Variants in RTN4IP1 observed in about 807,000 individuals in gnomAD.
RTN4IP1 encodes the protein NAD(P)H oxidoreductase RTN4IP1, mitochondrial.
A neutral mutation model predicts 46.6 loss-of-function variants in RTN4IP1; 32 were observed. That is an observed-to-expected ratio of 0.69 (90% CI 0.52 to 0.92). The LOEUF is 0.92. Ranked by LOEUF, RTN4IP1 falls within the 40% of genes least tolerant of loss-of-function variation. RTN4IP1 has a pLI of 0.00. For synonymous variants in RTN4IP1, 167 were observed against 161.8 expected (o/e 1.03, Z -0.24); for missense variants, 424 against 485.8 (o/e 0.87, Z 1.20).
At chr6:106,590,714 C>CAAAAAAAAAAAAAAAAAAAA (rs35293436) in intron 6 of RTN4IP1, among the ~76,000 whole-genome samples, 1 of 68,522 alleles carries the variant, frequency 1.5e-5, no homozygotes, top group African/African-American at 5.8e-5. Flanking sequence ...GAATCCATCT[C>CAAAAAAAAAAAAAAAAAAAA]AAAAAAAAAA....
chr6:106,604,370 A>G (rs1776010353), intron 4 of RTN4IP1, among the ~76,000 whole-genome samples: 1 of 152,220 alleles, frequency 6.6e-6, no homozygotes, highest in African/African-American at 2.4e-5. Flanking sequence ...AAAGACTAGA[A>G]GAAATTTTAA....
chr6:106,610,247 A>G (rs1307759723), intron 4 of RTN4IP1, among the ~76,000 whole-genome samples: 2 of 152,026 alleles, frequency 1.3e-5, no homozygotes, highest in Non-Finnish European at 2.9e-5. Context: ...TATATTTAGT[A>G]GAGATGGGGT....
At chr6:106,629,767 C>T, upstream of RTN4IP1, 1 of 1,563,280 alleles carries the variant, frequency 6.4e-7, no homozygotes. Context: ...ACTTCGTTGA[C>T]AAAGAGTCCC....
At chr6:106,618,470 T>C (rs1232168181) in intron 4 of RTN4IP1, among the ~76,000 whole-genome samples, 3 of 152,196 alleles carry the variant, frequency 2.0e-5, no homozygotes. Flanking sequence ...GTAGCCACCA[T>C]TTACTGAGTG....
At chr6:106,615,377 G>T (rs1484669364) in intron 4 of RTN4IP1, among the ~76,000 whole-genome samples, 1 of 151,822 alleles carries the variant, frequency 6.6e-6, no homozygotes, top group East Asian at 1.9e-4. Flanking sequence ...ACACTTACAT[G>T]ACAAAATTTT....
intron 6 of RTN4IP1, among the ~76,000 whole-genome samples, chr6:106,590,255 G>A (rs1166296032): frequency 6.6e-6 from 1 of 152,112 alleles, no homozygotes; most frequent in Non-Finnish European, 1.5e-5. Context: ...AGGAGGCAGA[G>A]GTTGTGCCAA....
chr6:106,590,714 CAAAAAAAAA>C (rs35293436), intron 6 of RTN4IP1, among the ~76,000 whole-genome samples: 2 of 68,522 alleles, frequency 2.9e-5, no homozygotes, highest in Non-Finnish European at 5.1e-5. Context: ...GAATCCATCT[CAAAAAAAAA>C]AAAAAAAAAA....
Position 106,628,873 on chromosome 6 carries a change from T to G in RTN4IP1, c.149A>C (p.Lys50Thr). The G allele has an allele frequency of 1.2e-6, 2 of 1,614,190 alleles. No homozygotes were observed. The highest frequency in any genetic ancestry group is 1.7e-6 in the Non-Finnish European group (2 of 1,180,020). ...STVMPAWVID[K>T]YGKNEVLRFT... ...TCGAAGCACTTCATTCTTCCCATAT[T>G]TATCTATCACCCAAGCAGGCATGAC... Residue 50 changes from lysine to threonine, a missense_variant, in exon 1 of 9, where the codon AAA (lysine) becomes ACA (threonine). Coordinates refer to ENST00000369063, the MANE Select transcript of RTN4IP1 (RefSeq NM_032730.5).
At chr6:106,614,377 T>C (rs954431406) in intron 4 of RTN4IP1, among the ~76,000 whole-genome samples, 1 of 152,172 alleles carries the variant, frequency 6.6e-6, no homozygotes, top group African/African-American at 2.4e-5. Flanking sequence ...AGTTGGTAAG[T>C]GTTGTTTTGC....
chr6:106,584,278 T>C (rs958826842), intron 7 of RTN4IP1, among the ~76,000 whole-genome samples: 18 of 152,156 alleles, frequency 1.2e-4, no homozygotes, highest in Admixed American at 1.1e-3. Flanking sequence ...GGTAGGCCAT[T>C]ACGGAAACAG....
intron 8 of RTN4IP1, among the ~76,000 whole-genome samples, chr6:106,580,394 T>C (rs1582858784): frequency 6.6e-6 from 1 of 151,978 alleles, no homozygotes; most frequent in African/African-American, 2.4e-5. Flanking sequence ...ACTAAATATA[T>C]ATACTAGATT....
At chr6:106,582,657 T>A (rs1405077085) in intron 8 of RTN4IP1, among the ~76,000 whole-genome samples, 3 of 152,106 alleles carry the variant, frequency 2.0e-5, no homozygotes, top group Non-Finnish European at 2.9e-5. Context: ...GGGTTATTCC[T>A]CTAGAGATGG....
At chr6:106,592,355 G>T in intron 5 of RTN4IP1, 55 bp from the exon 6 acceptor site, 2 of 1,559,180 alleles carry the variant, frequency 1.3e-6, no homozygotes, top group South Asian at 1.2e-5. Flanking sequence ...TAGAAAAACT[G>T]ACTGCATTGA....
chr6:106,602,828 A>G, intron 5 of RTN4IP1, 46 bp downstream of exon 5: 1 of 1,321,858 alleles, frequency 7.6e-7, no homozygotes, highest in Non-Finnish European at 1.1e-6. Context: ...TTATAAATTC[A>G]TGCAAACAAA....
At chr6:106,598,785 G>C (rs552007852) in intron 5 of RTN4IP1, among the ~76,000 whole-genome samples, 1 of 151,352 alleles carries the variant, frequency 6.6e-6, no homozygotes, top group African/African-American at 2.4e-5. Context: ...CCTATGTCCT[G>C]AATGGTAATG....
At chr6:106,590,693 C>T (rs112944586) in intron 6 of RTN4IP1, among the ~76,000 whole-genome samples, 6,193 of 115,760 alleles carry the variant, frequency 0.053, 149 homozygotes, top group Middle Eastern at 0.16. Context: ...CCAGCCTGGG[C>T]GACAGAGTGA....
intron 1 of RTN4IP1, among the ~76,000 whole-genome samples, chr6:106,624,507 T>C (rs1454549771): frequency 6.6e-6 from 1 of 151,788 alleles, no homozygotes; most frequent in African/African-American, 2.4e-5. Context: ...GCGCCACGTC[T>C]GGCTAATTTT....
chr6:106,598,531 T>G (rs948145180), intron 5 of RTN4IP1, among the ~76,000 whole-genome samples: 14 of 151,324 alleles, frequency 9.3e-5, no homozygotes, highest in Admixed American at 1.3e-4. Context: ...TCGCCCACTT[T>G]TTGATGGGGT....
At chr6:106,627,500 T>C (rs981413223) in intron 1 of RTN4IP1, among the ~76,000 whole-genome samples, 7 of 152,236 alleles carry the variant, frequency 4.6e-5, no homozygotes, top group South Asian at 2.1e-4. Context: ...CTGAAACAGG[T>C]TGACAAAGCA....
Sources: gnomAD v4.1 joint callset for allele counts (sites outside exome capture counted in the v4.1 genomes callset) on GRCh38, gnomAD v4.1.1 for gene constraint, MANE v1.5 for transcripts, NCBI Gene and HGNC (gene_info 2026-07-23, HGNC 2026-07-21) for gene names.